Variants in PDYN observed in about 807,000 individuals in gnomAD.
PDYN encodes prodynorphin.
In PDYN, 5 loss-of-function variants were observed where a neutral mutation model predicts 11.4. The observed-to-expected ratio is 0.44, with a 90% CI of 0.23 to 0.92. PDYN has a LOEUF of 0.92. Ranked by LOEUF, PDYN falls within the 40% of genes least tolerant of loss-of-function variation. The pLI is 0.24. For synonymous variants in PDYN, 132 were observed against 129.5 expected, an observed-to-expected ratio of 1.02 and a Z score of -0.13; for missense variants, 337 against 317.3, an observed-to-expected ratio of 1.06 and a Z score of -0.47.
At chr20:1,985,395 G>A (rs1338734969) in intron 2 of PDYN, among the ~76,000 whole-genome samples, 3 of 151,882 alleles carry the variant, frequency 2.0e-5, no homozygotes, top group African/African-American at 4.8e-5. Flanking sequence ...GTTCTACCTC[G>A]AATAGTGAAG....
chr20:1,985,181 T>C (rs1988105167), intron 2 of PDYN, among the ~76,000 whole-genome samples: 1 of 152,080 alleles, frequency 6.6e-6, no homozygotes, highest in Non-Finnish European at 1.5e-5. Flanking sequence ...TTTTGAAGCT[T>C]CCACTCCACG....
rs373565635 is a variant in PDYN at position 1,980,307 on chromosome 20, C to T, written c.*16G>A. Reference sequence around the variant, plus strand: ...GTCAGGGGTTTCTCCTGACTCTACTCCATGAAAAGAGGTGCTTATGCATCA... The same window carrying T: ...GTCAGGGGTTTCTCCTGACTCTACTTCATGAAAAGAGGTGCTTATGCATCA... On this transcript the variant is annotated 3_prime_UTR_variant, in exon 4 of 4. Transcript: ENST00000217305. 1 of 1,613,748 alleles carries T rather than the reference C, an allele frequency of 6.2e-7. No individual in the cohort carries two copies. The highest frequency in any genetic ancestry group is 1.3e-5 in the African/African-American group (1 of 74,886).
chr20:1,982,449 G>A (rs190309902), intron 3 of PDYN, among the ~76,000 whole-genome samples: 69 of 152,222 alleles, frequency 4.5e-4, no homozygotes, highest in Non-Finnish European at 4.0e-4. Context: ...TCATGGGAGA[G>A]ACATGTGGGG....
chr20:1,994,162 A>C (rs1042727704), upstream of PDYN: 1 of 153,352 alleles, frequency 6.5e-6, no homozygotes, highest in Admixed American at 6.5e-5. Context: ...AGTGGCTGAG[A>C]GCAGTCAGAG....
intron 2 of PDYN, among the ~76,000 whole-genome samples, chr20:1,990,844 G>A (rs1453649850): frequency 1.3e-5 from 2 of 151,902 alleles, no homozygotes; most frequent in African/African-American, 2.4e-5. Context: ...TATAGACACA[G>A]AGAAAAAGAC....
At position 1,985,251 on chromosome 20, in the gene PDYN, C is replaced by G. The variant is rs1310284667; in HGVS notation, c.-19-2148G>C. On this transcript the variant is annotated intron_variant, in intron 2 of 3. Coordinates refer to ENST00000217305, the MANE Select transcript of PDYN (RefSeq NM_024411.5). ...TCTCCCCGTTAAAGCATGCAGTAGG[C>G]TCCCCCACCAGAGCATGCCTAATAG... Among the ~76,000 whole-genome samples the G allele has an allele frequency of 3.3e-5, 5 of 152,136 alleles. No homozygotes were observed. In the East Asian group the frequency reaches 9.6e-4, roughly 29 times the overall value.
Position 1,980,598 on chromosome 20 carries a change from C to T in PDYN, c.490G>A (p.Ala164Thr), listed in dbSNP as rs376124198. The T allele has an allele frequency of 1.5e-5, 25 of 1,614,182 alleles. No individual in the cohort carries two copies. The highest frequency in any genetic ancestry group is 1.6e-4 in the Middle Eastern group (1 of 6,062). ...GAMETGTLYL[A>T]EEDPKEQVKR... is the part of the protein sequence containing the mutation. Reference sequence around the variant, plus strand: ...ACCTGCTCCTTGGGGTCCTCCTCAGCGAGATAGAGTGTGCCAGTCTCCATG... The same window carrying T: ...ACCTGCTCCTTGGGGTCCTCCTCAGTGAGATAGAGTGTGCCAGTCTCCATG... Residue 164 changes from alanine (A) to threonine (T), a missense_variant, in exon 4 of 4, where the codon GCT becomes ACT. Transcript: ENST00000217305.
chr20:1,992,821 A>G (rs914508370), intron 1 of PDYN, among the ~76,000 whole-genome samples, 178 bp from the exon 2 acceptor site: 3 of 152,174 alleles, frequency 2.0e-5, no homozygotes, highest in African/African-American at 7.2e-5. Flanking sequence ...GTCAAATTAG[A>G]AAGGCAAGCC....
chr20:1,982,740 C>T (rs1987903544), intron 3 of PDYN, among the ~76,000 whole-genome samples: 3 of 152,192 alleles, frequency 2.0e-5, no homozygotes, highest in Non-Finnish European at 1.5e-5. Flanking sequence ...GTCTCTTGTC[C>T]TGGCCTAAGT....
In PDYN at chr20:1,981,084, C is replaced by T. The variant is rs35717071; in HGVS notation, c.130-126G>A. The T allele has an allele frequency of 9.5e-3, 9,311 of 975,314 alleles. 54 individuals carry two copies. The highest frequency in any genetic ancestry group is 0.012 in the Non-Finnish European group (7,811 of 635,160). 60.4% of individuals were successfully genotyped at this position (975,314 alleles called of 1,614,324 possible). A position where few individuals can be genotyped will look rare whatever the true frequency, so the allele number is the denominator to read the frequency against. Reference sequence around the variant, plus strand: ...CGCCACTGCTAAGCCCTGGGCTACCCATGTTCATACTACTGGTGGTGCATA... The same window carrying T: ...CGCCACTGCTAAGCCCTGGGCTACCTATGTTCATACTACTGGTGGTGCATA... On this transcript the variant is annotated intron_variant, in intron 3 of 3. Transcript: ENST00000217305.
At chr20:1,989,933 CG>C in intron 2 of PDYN, among the ~76,000 whole-genome samples, 1 of 152,232 alleles carries the variant, frequency 6.6e-6, no homozygotes, top group East Asian at 1.9e-4. Context: ...GTGGACCCTA[CG>C]GGGCAGGGGC....
At chr20:1,981,978 T>C (rs2122326926) in intron 3 of PDYN, among the ~76,000 whole-genome samples, 1 of 150,362 alleles carries the variant, frequency 6.7e-6, no homozygotes, top group South Asian at 2.1e-4. Flanking sequence ...ACTTCTGGCA[T>C]GGGCTTGATA....
intron 2 of PDYN, among the ~76,000 whole-genome samples, chr20:1,987,617 T>C (rs149393612): frequency 7.0e-4 from 107 of 152,274 alleles, no homozygotes; most frequent in Non-Finnish European, 1.1e-3. Context: ...GACACAGCTG[T>C]TGAGAAAGGA....
intron 2 of PDYN, among the ~76,000 whole-genome samples, chr20:1,989,058 T>C (rs889430022): frequency 6.6e-6 from 1 of 152,208 alleles, no homozygotes; most frequent in Non-Finnish European, 1.5e-5. Flanking sequence ...ACAGACAAGG[T>C]TTGCTGACCG....
Position 1,980,811 on chromosome 20 carries a change from T to C in PDYN, c.277A>G (p.Ser93Gly). The C allele has an allele frequency of 6.2e-7, 1 of 1,614,198 alleles. No homozygotes were observed. Among genetic ancestry groups the C allele is most frequent in the Non-Finnish European group, 8.5e-7 (1 of 1,180,030 alleles). ...GACCCAGAGAGCTTGGCCAGCTCAC[T>C]GTAGGGCCCTTCCCCAACCGACTTG... Reference protein sequence around the residue: ...GSKSVGEGPYSELAKLSGSFL... With the variant: ...GSKSVGEGPYGELAKLSGSFL... The change falls in exon 4 of 4, where the codon AGT becomes GGT. Residue 93 changes from serine (S) to glycine (G), a missense_variant. By Grantham distance (56) the Ser-to-Gly change is moderately conservative (BLOSUM62 0). Transcript: ENST00000217305.
chr20:1,989,923 G>T (rs998694509), intron 2 of PDYN, among the ~76,000 whole-genome samples: 1 of 152,140 alleles, frequency 6.6e-6, no homozygotes, highest in African/African-American at 2.4e-5. Context: ...GGTGCCTCCC[G>T]TGGACCCTAC....
At chr20:1,990,505 G>T (rs1988386364) in intron 2 of PDYN, among the ~76,000 whole-genome samples, 1 of 152,188 alleles carries the variant, frequency 6.6e-6, no homozygotes, top group African/African-American at 2.4e-5. Flanking sequence ...ATGGGAAGGA[G>T]GCTCGGGTTC....
intron 2 of PDYN, among the ~76,000 whole-genome samples, chr20:1,987,099 G>A (rs947257908): frequency 7.2e-5 from 11 of 152,168 alleles, no homozygotes; most frequent in African/African-American, 2.7e-4. Flanking sequence ...TGACAAAGAG[G>A]CCAGGGTGCA....
At chr20:1,988,054 A>C (rs563777178) in intron 2 of PDYN, among the ~76,000 whole-genome samples, 1 of 152,266 alleles carries the variant, frequency 6.6e-6, no homozygotes, top group South Asian at 2.1e-4. Flanking sequence ...TCTGGGCTGA[A>C]TGCCCTTCAT....
Sources: allele counts gnomAD v4.1 joint callset (sites outside exome capture counted in the v4.1 genomes callset), GRCh38; gene constraint gnomAD v4.1.1; transcripts MANE v1.5; gene names NCBI Gene and HGNC (gene_info 2026-07-23, HGNC 2026-07-21).